SLC4A1: variants seen among roughly 807,000 people sequenced by gnomAD.
SLC4A1 encodes the protein band 3 anion transport protein.
In SLC4A1, 29 loss-of-function variants were observed where a neutral mutation model predicts 93.1. The observed-to-expected ratio is 0.31, with a 90% CI of 0.23 to 0.42. The LOEUF (loss-of-function observed/expected upper bound fraction) is 0.42. SLC4A1 is among the 20% of genes least tolerant of loss of function. The pLI, the probability that SLC4A1 is intolerant of heterozygous loss-of-function variation, is 1.00. For synonymous variants in SLC4A1, 469 were observed against 497.2 expected (o/e 0.94, Z 0.76); for missense variants, 965 against 1,190.1 (o/e 0.81, Z 2.78).
chr17:44,250,189 G>T lies in SLC4A1; in HGVS notation c.*269C>A. The T allele has an allele frequency of 2.1e-6, 1 of 466,318 alleles. No homozygotes were observed. The highest frequency in any genetic ancestry group is 3.4e-5 in the Admixed American group (1 of 29,782). 28.9% of individuals were successfully genotyped at this position (466,318 alleles called of 1,614,324 possible). A position where few individuals can be genotyped will look rare whatever the true frequency, so the allele number is the denominator to read the frequency against. ...GGCTCAGATCTAAGTCTTCCAGCAC[G>T]GGATCCCCAGTGAAAGTGTGGCAAC... On this transcript the variant is annotated 3_prime_UTR_variant, in exon 20 of 20. Coordinates refer to ENST00000262418, the MANE Select transcript of SLC4A1 (RefSeq NM_000342.4).
intron 1 of SLC4A1, among the ~76,000 whole-genome samples, 179 bp from the exon 2 acceptor site, chr17:44,263,113 A>G (rs2047461562): frequency 6.6e-6 from 1 of 151,982 alleles, no homozygotes; most frequent in Non-Finnish European, 1.5e-5. Context: ...AGGGTAGGTG[A>G]GCAGGGGCTG....
intron 3 of SLC4A1, 67 bp downstream of exon 3, chr17:44,262,569 A>G: frequency 8.5e-7 from 1 of 1,181,830 alleles, no homozygotes; most frequent in Non-Finnish European, 1.2e-6. Flanking sequence ...GGAGAGGACA[A>G]GTGCCCCTCC....
intron 1 of SLC4A1, among the ~76,000 whole-genome samples, chr17:44,263,902 T>A (rs2047473617): frequency 6.6e-6 from 1 of 151,970 alleles, no homozygotes; most frequent in Non-Finnish European, 1.5e-5. Context: ...CCTGAGTAAC[T>A]GGAATTATAG....
At chr17:44,262,609 C>T in intron 3 of SLC4A1, 27 bp downstream of exon 3, 7 of 1,559,918 alleles carry the variant, frequency 4.5e-6, no homozygotes, top group Non-Finnish European at 6.1e-6. Flanking sequence ...GCAGCTCATC[C>T]CAGCTGAGGG....
Position 44,253,278 on chromosome 17 carries a change from G to A in SLC4A1, c.2151C>T (p.Ala717=), listed in dbSNP as rs1272550904. The A allele has an allele frequency of 1.9e-6, 3 of 1,613,916 alleles. No individual in the cohort carries two copies. The highest frequency in any genetic ancestry group is 2.5e-6 in the Non-Finnish European group (3 of 1,180,018). ...CACTGAGCCAGGGCATCCCAAAGAG[G>A]GCGGCCACCCCACCCATGCCTACTA... ...LLVVGMGGVA[A]LFGMPWLSAT... The change falls in exon 17 of 20, where the codon GCC becomes GCT. Residue 717 remains alanine (A), a synonymous_variant. Coordinates refer to ENST00000262418, the MANE Select transcript of SLC4A1 (RefSeq NM_000342.4).
In SLC4A1 at chr17:44,260,774, G is replaced by T; in HGVS notation, c.210C>A (p.Asn70Lys). 6.2e-7 allele frequency: 1 copy of T among 1,613,712 alleles called. No homozygotes were observed. Among genetic ancestry groups the T allele is most frequent in the South Asian group, 1.1e-5 (1 of 91,082 alleles). Residue 70 changes from asparagine (N) to lysine (K), a missense_variant, in exon 5 of 20, where the codon AAC (asparagine) becomes AAA (lysine). Coordinates refer to ENST00000262418, the MANE Select transcript of SLC4A1 (RefSeq NM_000342.4). Reference protein sequence around the residue: ...ELQELVMDEKNQELRWMEAAR... With the variant: ...ELQELVMDEKKQELRWMEAAR... ...CCGCCTCCATCCATCTCAGCTCCTG[G>T]TTCTTTTCGTCCATCACCAGCTCCT...
intron 19 of SLC4A1, among the ~76,000 whole-genome samples, 186 bp from the exon 20 acceptor site, chr17:44,250,724 AC>A (rs2047330961): frequency 6.6e-6 from 1 of 151,926 alleles, no homozygotes; most frequent in Non-Finnish European, 1.5e-5. Flanking sequence ...GTGAGAGGCA[AC>A]CCCGGGGATG....
intron 7 of SLC4A1, 23 bp downstream of exon 7, chr17:44,259,786 C>G: frequency 3.7e-6 from 6 of 1,613,734 alleles, no homozygotes; most frequent in Non-Finnish European, 5.1e-6. Flanking sequence ...CTGACCCTGA[C>G]CCTGACCCTG....
chr17:44,259,639 A>G (rs1021329467), intron 7 of SLC4A1, 58 bp from the exon 8 acceptor site: 5 of 1,520,816 alleles, frequency 3.3e-6, no homozygotes, highest in African/African-American at 1.4e-5. Flanking sequence ...GGGAGACCTG[A>G]GCATCCTCCC....
chr17:44,268,008 G>T, intron 1 of SLC4A1, 46 bp downstream of exon 1: 2 of 935,456 alleles, frequency 2.1e-6, no homozygotes, highest in Non-Finnish European at 2.5e-6. Flanking sequence ...AAGCCCTCAG[G>T]GCAGGCACCG....
intron 4 of SLC4A1, 84 bp from the exon 5 acceptor site, chr17:44,260,899 G>A: frequency 6.8e-7 from 1 of 1,465,174 alleles, no homozygotes; most frequent in South Asian, 1.1e-5. Context: ...AGAGGCTTGT[G>A]CTTGTGAGGC....
intron 16 of SLC4A1, 32 bp downstream of exon 16, chr17:44,254,464 C>A: frequency 1.6e-5 from 21 of 1,350,342 alleles, no homozygotes; most frequent in Non-Finnish European, 2.0e-5. Context: ...GCCTCCCACC[C>A]TCCCAGGCCC....
intron 17 of SLC4A1, 64 bp from the exon 18 acceptor site, chr17:44,251,652 GCCCCTATCT>G: frequency 2.0e-6 from 3 of 1,494,754 alleles, no homozygotes; most frequent in Non-Finnish European, 2.8e-6. Context: ...GGGGGGTCAG[GCCCCTATCT>G]GGGGCTGGGA....
chr17:44,259,604 G>A (rs375864548), intron 7 of SLC4A1, 23 bp from the exon 8 acceptor site: 32 of 1,585,498 alleles, frequency 2.0e-5, no homozygotes, highest in South Asian at 8.8e-5. Context: ...GGGTGGTGAC[G>A]GGAGTCCTCG....
chr17:44,267,688 G>A (rs2047505799), intron 1 of SLC4A1, among the ~76,000 whole-genome samples: 1 of 152,146 alleles, frequency 6.6e-6, no homozygotes, highest in South Asian at 2.1e-4. Flanking sequence ...GGTGGGAGAG[G>A]GGGTGGTCTG....
Position 44,251,313 on chromosome 17 carries a change from T to C in SLC4A1, c.2501A>G (p.His834Arg). 1 of 1,614,200 alleles carries C rather than the reference T, an allele frequency of 6.2e-7. No homozygotes were observed. The highest frequency in any genetic ancestry group is 8.5e-7 in the Non-Finnish European group (1 of 1,180,028). ...YVKRVKTWRMHLFTGIQIICL... is the reference protein window; with the variant it reads ...YVKRVKTWRMRLFTGIQIICL... Reference sequence around the variant, plus strand: ...GATGATCTGGATGCCCGTGAATAAGTGCATGCGCCAGGTCTTCACCTGCAG... The same window carrying C: ...GATGATCTGGATGCCCGTGAATAAGCGCATGCGCCAGGTCTTCACCTGCAG... The change falls in exon 19 of 20, where the codon CAC (histidine) becomes CGC (arginine). Residue 834 changes from histidine to arginine, a missense_variant. Around this residue, in one of 2 missense-constraint regions of SLC4A1, gnomAD observed 770 missense variants for 1,006.6 expected, o/e 0.76. Transcript: ENST00000262418.
intron 19 of SLC4A1, 69 bp from the exon 20 acceptor site, chr17:44,250,607 G>A (rs754931109): frequency 4.9e-6 from 6 of 1,217,824 alleles, no homozygotes; most frequent in South Asian, 1.2e-5. Flanking sequence ...CCCCGGGCAC[G>A]AAAGGCACCT....
At chr17:44,264,751 T>C (rs1448150681) in intron 1 of SLC4A1, among the ~76,000 whole-genome samples, 1 of 152,102 alleles carries the variant, frequency 6.6e-6, no homozygotes. Flanking sequence ...GTCTCAGTTT[T>C]CTCAGTTGTG....
At chr17:44,255,539 C>A in intron 14 of SLC4A1, 134 bp downstream of exon 14, 1 of 984,510 alleles carries the variant, frequency 1.0e-6, no homozygotes. Context: ...AAGGATAGGG[C>A]CAGGGGAGGT....
Sources: allele counts gnomAD v4.1 joint callset (sites outside exome capture counted in the v4.1 genomes callset), GRCh38; gene constraint gnomAD v4.1.1; regional missense constraint gnomAD v4.1.1; transcripts MANE v1.5; gene names NCBI Gene and HGNC (gene_info 2026-07-23, HGNC 2026-07-21).